The following IDO2 variants were observed in gnomAD, a reference collection of about 807,000 sequenced individuals.
IDO2 encodes the protein indoleamine 2,3-dioxygenase 2.
IDO2 carries 46 observed loss-of-function variants against 45.1 expected under a neutral mutation model. The observed-to-expected ratio is 1.02, with a 90% CI of 0.80 to 1.30. The LOEUF (loss-of-function observed/expected upper bound fraction) is 1.30. IDO2 is among the 50% of genes most tolerant of loss of function. The probability of loss-of-function intolerance (pLI) is 0.00; values close to 1 mark genes in which losing one functional copy is unlikely to be tolerated. For missense variants in IDO2, 544 were observed against 491.8 expected (o/e 1.11, Z -1.00); for synonymous variants, 218 against 184.9 (o/e 1.18, Z -1.45).
intron 3 of IDO2, among the ~76,000 whole-genome samples, chr8:39,967,745 C>T (rs953620397): frequency 2.0e-5 from 3 of 152,228 alleles, no homozygotes; most frequent in African/African-American, 7.2e-5. Context: ...GCCTTGGCCT[C>T]CCAAAGTGCT....
At chr8:39,991,685 C>T (rs1459744395) in intron 8 of IDO2, among the ~76,000 whole-genome samples, 1 of 151,600 alleles carries the variant, frequency 6.6e-6, no homozygotes, top group Non-Finnish European at 1.5e-5. Context: ...ATTCTCTTGC[C>T]TCAGTCTCCC....
chr8:39,959,676 A>G (rs1807963793), intron 2 of IDO2, among the ~76,000 whole-genome samples: 1 of 152,114 alleles, frequency 6.6e-6, no homozygotes, highest in African/African-American at 2.4e-5. Context: ...ACAAAAAATT[A>G]GCCAGGCATG....
intron 1 of IDO2, among the ~76,000 whole-genome samples, chr8:39,948,439 G>A (rs1246550816): frequency 6.6e-6 from 1 of 152,110 alleles, no homozygotes; most frequent in Admixed American, 6.6e-5. Flanking sequence ...CATGAGCTAA[G>A]GTCACAGTAA....
chr8:39,985,668 T>G, intron 6 of IDO2, 146 bp downstream of exon 6: 19 of 661,758 alleles, frequency 2.9e-5, no homozygotes, highest in Non-Finnish European at 4.1e-5. Context: ...TAGAAGGAAA[T>G]GTGCCTAAAA....
At chr8:39,989,109 G>A (rs944313509) in intron 7 of IDO2, among the ~76,000 whole-genome samples, 1 of 152,182 alleles carries the variant, frequency 6.6e-6, no homozygotes, top group African/African-American at 2.4e-5. Flanking sequence ...GAAACTTACA[G>A]CCATGGAGGA....
intron 3 of IDO2, among the ~76,000 whole-genome samples, chr8:39,976,472 A>G (rs1351685766): frequency 6.6e-6 from 1 of 152,188 alleles, no homozygotes; most frequent in Non-Finnish European, 1.5e-5. Context: ...TGAGTAAATA[A>G]GTGTTTACTT....
At chr8:39,946,035 A>G (rs1287593095) in intron 1 of IDO2, among the ~76,000 whole-genome samples, 1 of 152,204 alleles carries the variant, frequency 6.6e-6, no homozygotes, top group African/African-American at 2.4e-5. Flanking sequence ...CATTAGCCAC[A>G]AGATTAGAAA....
intron 1 of IDO2, among the ~76,000 whole-genome samples, chr8:39,947,803 T>C (rs1174739435): frequency 1.4e-5 from 2 of 139,102 alleles, no homozygotes; most frequent in Non-Finnish European, 3.2e-5. Context: ...TTTTTTTTTT[T>C]CGAGATGGAA....
intron 8 of IDO2, among the ~76,000 whole-genome samples, chr8:40,002,901 G>C (rs1000948104): frequency 1.4e-4 from 21 of 152,080 alleles, no homozygotes; most frequent in African/African-American, 5.1e-4. Context: ...CAATATTTCT[G>C]TATTATGAAT....
intron 8 of IDO2, chr8:39,998,367 T>C (rs779361722): frequency 6.6e-6 from 1 of 152,246 alleles, no homozygotes; most frequent in Non-Finnish European, 1.5e-5. Context: ...ATTTTTTGTA[T>C]CTTCATGACC....
rs554411529 is a variant in IDO2, at chr8:39,935,014, T to G, written c.-222T>G. The G allele has an allele frequency of 1.4e-6, 1 of 700,074 alleles. No individual in the cohort carries two copies. The highest frequency in any genetic ancestry group is 2.6e-6 in the Non-Finnish European group (1 of 386,506). The allele number at this position is 700,074 out of a possible 1,614,324, so 43.4% of individuals were successfully genotyped here. A position where few individuals can be genotyped will look rare whatever the true frequency, so the allele number is the denominator to read the frequency against. On this transcript the variant is annotated 5_prime_UTR_variant, in exon 1 of 11. The change abolishes an upstream ATG in the 5' untranslated region. Coordinates refer to ENST00000502986, the Ensembl canonical transcript of IDO2. The stretch of plus-strand genomic sequence containing the variant: ...CAGAGAGTCCACAATGAGATGAAAA[T>G]GCACTGCCAGTTGAAACATCCTCCT...
At chr8:39,974,695 G>A (rs1808233204) in intron 3 of IDO2, among the ~76,000 whole-genome samples, 1 of 152,214 alleles carries the variant, frequency 6.6e-6, no homozygotes, top group East Asian at 1.9e-4. Flanking sequence ...CATGTGGGCA[G>A]ATCGATCACA....
At chr8:39,988,091 T>C (rs1001120090) in intron 7 of IDO2, 121 bp downstream of exon 7, 7 of 601,954 alleles carry the variant, frequency 1.2e-5, no homozygotes, top group African/African-American at 3.7e-5. Flanking sequence ...TCCTGCTTAG[T>C]TCAAGTCTGA....
At chr8:39,977,609 A>G (rs1186540153) in intron 3 of IDO2, among the ~76,000 whole-genome samples, 2 of 152,232 alleles carry the variant, frequency 1.3e-5, no homozygotes, top group Non-Finnish European at 2.9e-5. Flanking sequence ...TGAGCCCAGA[A>G]GTTCAAAGCT....
At chr8:39,995,944 A>G (rs1003283250) in intron 8 of IDO2, among the ~76,000 whole-genome samples, 12 of 152,170 alleles carry the variant, frequency 7.9e-5, no homozygotes, top group Admixed American at 6.5e-4. Flanking sequence ...GTCAGTGCCT[A>G]GAAAAGGCAC....
intron 8 of IDO2, 69 bp downstream of exon 8, chr8:39,989,907 TG>T: frequency 9.9e-7 from 1 of 1,006,178 alleles, no homozygotes; most frequent in Non-Finnish European, 1.5e-6. Flanking sequence ...GAAGAGGGCC[TG>T]GGGACCAGGC....
At chr8:39,986,593 C>T (rs545736555) in intron 6 of IDO2, 2 of 152,004 alleles carry the variant, frequency 1.3e-5, no homozygotes, top group Admixed American at 1.3e-4. Context: ...ATGTTTTACT[C>T]CATTTAAATG....
At chr8:39,982,610 G>A (rs749866345) in intron 4 of IDO2, 42 bp from the exon 5 acceptor site, 5 of 1,318,404 alleles carry the variant, frequency 3.8e-6, no homozygotes, top group Non-Finnish European at 5.3e-6. Context: ...TCTGCTGCAA[G>A]CTTTCTAGAA....
intron 8 of IDO2, chr8:39,995,278 T>TCTTCTTCTTCTTCTTCTTCTTCCTCTA (rs1802023399): frequency 7.2e-6 from 1 of 139,184 alleles, no homozygotes; most frequent in Non-Finnish European, 1.5e-5. Flanking sequence ...TTCTTCTTCT[T>TCTTCTTCTTCTTCTTCTTCTTCCTCTA]CTTCTTCTTC....
Sources: allele counts gnomAD v4.1 joint callset (sites outside exome capture counted in the v4.1 genomes callset), GRCh38; gene constraint gnomAD v4.1.1; transcripts MANE v1.5; gene names NCBI Gene and HGNC (gene_info 2026-07-23, HGNC 2026-07-21).